Variants in PGS1 observed in about 807,000 individuals in gnomAD.
The protein encoded by PGS1 is phosphatidylglycerophosphate synthase 1.
PGS1 carries 44 observed loss-of-function variants against 58.3 expected under a neutral mutation model. That is an observed-to-expected ratio of 0.75 (90% CI 0.59 to 0.97). PGS1 has a LOEUF of 0.97. Among genes scored for constraint, PGS1 ranks in the 50% least tolerant of loss-of-function variants. PGS1 has a pLI of 0.00. For synonymous variants in PGS1, 330 were observed against 311.0 expected (o/e 1.06, Z -0.64); for missense variants, 684 against 731.1 (o/e 0.94, Z 0.74).
At chr17:78,416,249 C>A (rs1568002320) in intron 8 of PGS1, among the ~76,000 whole-genome samples, 1 of 152,346 alleles carries the variant, frequency 6.6e-6, no homozygotes, top group South Asian at 2.1e-4. Flanking sequence ...ACTGAGGAAG[C>A]CCCCACAAGC....
chr17:78,404,585 A>G (rs997040312), intron 7 of PGS1, among the ~76,000 whole-genome samples: 3 of 152,052 alleles, frequency 2.0e-5, no homozygotes, highest in East Asian at 3.9e-4. Context: ...TTATGCATCA[A>G]AGACTGTATA....
At position 78,404,079 on chromosome 17, in the gene PGS1, C is replaced by T; in HGVS notation, c.1392C>T (p.Phe464=). The change falls in exon 7 of 10, where the codon TTC becomes TTT. Residue 464 remains phenylalanine, a synonymous_variant. Coordinates refer to ENST00000262764, the MANE Select transcript of PGS1 (RefSeq NM_024419.5). ...LQEYWRRGWT[F]HAKGLWLYLA... ...AGTACTGGCGGAGGGGCTGGACGTT[C>T]CACGCCAAAGGTGCGCAGCGGCTGG... The T allele has an allele frequency of 6.4e-7, 1 of 1,571,658 alleles. No homozygotes were observed. Among genetic ancestry groups the T allele is most frequent in the Non-Finnish European group, 8.6e-7 (1 of 1,157,746 alleles).
At chr17:78,391,914 A>G (rs2082865344) in intron 1 of PGS1, among the ~76,000 whole-genome samples, 2 of 152,312 alleles carry the variant, frequency 1.3e-5, no homozygotes, top group Middle Eastern at 3.4e-3. Flanking sequence ...CTGAGCCACC[A>G]TGCTCGGCAT....
intron 7 of PGS1, among the ~76,000 whole-genome samples, chr17:78,404,307 A>G (rs2083938245): frequency 7.6e-6 from 1 of 131,156 alleles, no homozygotes; most frequent in Non-Finnish European, 1.6e-5. Context: ...TTTTTGTGAC[A>G]GTCTTGCTCT....
At chr17:78,416,122 GA>G (rs1410104727) in intron 8 of PGS1, among the ~76,000 whole-genome samples, 1 of 152,192 alleles carries the variant, frequency 6.6e-6, no homozygotes, top group Non-Finnish European at 1.5e-5. Flanking sequence ...TTGGTGCCAG[GA>G]AAGGCTTCAC....
chr17:78,392,668 A>G lies in PGS1; in HGVS notation c.333+3A>G, dbSNP rs373776205. On this transcript the variant is annotated splice_donor_region_variant and intron_variant, in intron 2 of 9. Transcript: ENST00000262764. Reference sequence around the variant, plus strand: ...CAGAGTTTTTCGAGCTCATGAAGGTAAGTGGTATCTAAAGGAAAGAAGTTT... The same window carrying G: ...CAGAGTTTTTCGAGCTCATGAAGGTGAGTGGTATCTAAAGGAAAGAAGTTT... 5 of 1,613,064 alleles carry G rather than the reference A, an allele frequency of 3.1e-6. No homozygotes were observed. The African/African-American group carries it at 5.3e-5, about 17-fold the overall frequency.
At chr17:78,385,923 A>G (rs2082352310) in intron 1 of PGS1, among the ~76,000 whole-genome samples, 1 of 152,228 alleles carries the variant, frequency 6.6e-6, no homozygotes, top group African/African-American at 2.4e-5. Flanking sequence ...TGGCGGCCTC[A>G]GTCCTGGCTC....
chr17:78,395,460 C>G (rs1209584546), intron 2 of PGS1, among the ~76,000 whole-genome samples: 1 of 152,130 alleles, frequency 6.6e-6, no homozygotes, highest in Non-Finnish European at 1.5e-5. Context: ...TGTTCCTTCT[C>G]ATAGGGAAGC....
chr17:78,399,624 C>A (rs946551823), intron 5 of PGS1, 87 bp downstream of exon 5: 1 of 1,378,306 alleles, frequency 7.3e-7, no homozygotes, highest in African/African-American at 1.4e-5. Context: ...AACCCGTTCC[C>A]CTCAGTCTTG....
At chr17:78,388,059 A>G (rs892382183) in intron 1 of PGS1, among the ~76,000 whole-genome samples, 1 of 152,242 alleles carries the variant, frequency 6.6e-6, no homozygotes, top group African/African-American at 2.4e-5. Context: ...TAATGTATCC[A>G]TGAAACGTAG....
chr17:78,404,589 C>T (rs1038910977), intron 7 of PGS1, among the ~76,000 whole-genome samples: 9 of 152,052 alleles, frequency 5.9e-5, no homozygotes, highest in African/African-American at 1.4e-4. Flanking sequence ...GCATCAAAGA[C>T]TGTATATGGT....
At position 78,414,985 on chromosome 17, in the gene PGS1, G is replaced by A. The variant is rs369435283; in HGVS notation, c.1509G>A (p.Ala503=). The A allele has an allele frequency of 3.0e-5, 49 of 1,613,574 alleles. No individual in the cohort carries two copies. Among genetic ancestry groups the A allele is most frequent in the Admixed American group, 5.0e-5 (3 of 60,030 alleles). ...SVHRDLEAQI[A]IVTENQALQQ... ...ACCGGGACCTGGAGGCCCAGATTGC[G>A]ATCGTGACGGAGAACCAGGCCCTGC... Residue 503 remains alanine, a synonymous_variant, in exon 8 of 10, where the codon GCG becomes GCA. Transcript: ENST00000262764.
intron 4 of PGS1, 100 bp from the exon 5 acceptor site, chr17:78,399,247 AC>A (rs1243317129): frequency 3.5e-6 from 3 of 856,190 alleles, no homozygotes; most frequent in Non-Finnish European, 5.7e-6. Context: ...ATTCAGGTGG[AC>A]GGCACAGGTG....
intron 9 of PGS1, chr17:78,423,755 G>A: frequency 9.8e-7 from 1 of 1,021,452 alleles, no homozygotes; most frequent in South Asian, 1.5e-5. Flanking sequence ...TCCACCCTCT[G>A]GTTCCGATGT....
chr17:78,386,419 G>C (rs2082388529), intron 1 of PGS1, among the ~76,000 whole-genome samples: 1 of 152,108 alleles, frequency 6.6e-6, no homozygotes, highest in Non-Finnish European at 1.5e-5. Flanking sequence ...AGAGGCAAGG[G>C]TGGCAGAAGG....
At chr17:78,420,708 AGTTATTT>A in intron 9 of PGS1, 1 of 152,138 alleles carries the variant, frequency 6.6e-6, no homozygotes, top group Non-Finnish European at 1.5e-5. Context: ...AGCTTTTCCT[AGTTATTT>A]TAATTACTTT....
chr17:78,379,886 G>A (rs1366431425), intron 1 of PGS1, among the ~76,000 whole-genome samples: 5 of 133,070 alleles, frequency 3.8e-5, no homozygotes, highest in African/African-American at 1.4e-4. Context: ...TTTTTTTTTT[G>A]AGACGGAGTT....
At chr17:78,413,937 G>A (rs1238863302) in intron 7 of PGS1, among the ~76,000 whole-genome samples, 3 of 152,234 alleles carry the variant, frequency 2.0e-5, no homozygotes, top group Admixed American at 6.5e-5. Flanking sequence ...GTGGCACCCC[G>A]TGCCCTGCTT....
intron 4 of PGS1, 135 bp downstream of exon 4, chr17:78,398,486 C>T (rs1280909060): frequency 1.5e-6 from 1 of 674,674 alleles, no homozygotes; most frequent in Non-Finnish European, 2.6e-6. Flanking sequence ...CCAGGGCTGC[C>T]TGATTGTGTG....
Sources: gnomAD v4.1 joint callset for allele counts (sites outside exome capture counted in the v4.1 genomes callset) on GRCh38, gnomAD v4.1.1 for gene constraint, MANE v1.5 for transcripts, NCBI Gene and HGNC (gene_info 2026-07-23, HGNC 2026-07-21) for gene names.